DNM2: variants seen among roughly 807,000 people sequenced by gnomAD.
The protein encoded by DNM2 is dynamin-2.
Under a neutral mutation model 99.0 loss-of-function variants are expected in DNM2, and 15 were observed. The ratio of observed to expected loss-of-function variants is 0.15; its 90% CI spans 0.10 to 0.23. The LOEUF is 0.23. Among genes scored for constraint, DNM2 ranks in the 10% least tolerant of loss-of-function variants. DNM2 has a pLI of 1.00. For synonymous variants in DNM2, 525 were observed against 481.2 expected, an observed-to-expected ratio of 1.09 and a Z score of -1.19; for missense variants, 742 against 1,189.4, an observed-to-expected ratio of 0.62 and a Z score of 5.53.
At position 10,811,275 on chromosome 19, in the gene DNM2, T is replaced by C; in HGVS notation, c.1558-989T>C. On this transcript the variant is annotated intron_variant, in intron 14 of 20. Transcript: ENST00000389253. This position sits in a 1 kb window ranked among gnomAD's most constrained non-coding sequence, Gnocchi z 5.4. ...CGCTGGAGCTGTGGGCTGGTGGCCC[T>C]GGTTCAGAATGTCAGGCCCGGGGTG... 1 of 183,316 alleles carries C rather than the reference T, an allele frequency of 5.5e-6. No homozygotes were observed. Among genetic ancestry groups the C allele is most frequent in the Non-Finnish European group, 1.2e-5 (1 of 85,972 alleles). 11.4% of individuals were successfully genotyped at this position (183,316 alleles called of 1,614,324 possible).
intron 12 of DNM2, 76 bp from the exon 13 acceptor site, chr19:10,805,840 C>T (rs1454954404): frequency 1.1e-5 from 17 of 1,593,504 alleles, no homozygotes; most frequent in Admixed American, 3.3e-5. Context: ...AGGGAGAGAA[C>T]GGCCACATTC....
At position 10,775,115 on chromosome 19, in the gene DNM2, T is replaced by C. The variant is rs2071111044; in HGVS notation, c.386-588T>C. On this transcript the variant is annotated intron_variant, in intron 3 of 20. Coordinates refer to ENST00000389253, the MANE Select transcript of DNM2 (RefSeq NM_001005361.3). The surrounding 1 kb of genome is among the most constrained non-coding windows in gnomAD (Gnocchi z 4.3). ...TTTTGTTTTTTTGAGACAGTCTTGCTCTGTCGCCCAGGCTGGAGTGCAGTG... is the reference window on the plus strand; with the variant it reads ...TTTTGTTTTTTTGAGACAGTCTTGCCCTGTCGCCCAGGCTGGAGTGCAGTG... 1.3e-5 allele frequency among the ~76,000 whole-genome samples: 2 copies of C among 151,468 alleles called. No homozygotes were observed. Among genetic ancestry groups the C allele is most frequent in the Admixed American group, 6.6e-5 (1 of 15,190 alleles).
At chr19:10,766,681 A>G (rs1302355067) in intron 2 of DNM2, among the ~76,000 whole-genome samples, 1 of 152,032 alleles carries the variant, frequency 6.6e-6, no homozygotes, top group Non-Finnish European at 1.5e-5. Context: ...TAGGGGACAC[A>G]GGCTTGGGAG....
At chr19:10,766,810 G>T in intron 2 of DNM2, among the ~76,000 whole-genome samples, 1 of 152,150 alleles carries the variant, frequency 6.6e-6, no homozygotes, top group African/African-American at 2.4e-5. Flanking sequence ...ATTGCTGGAT[G>T]ACTGCCCAGA....
intron 6 of DNM2, among the ~76,000 whole-genome samples, chr19:10,785,759 C>T (rs1273544066): frequency 6.6e-6 from 1 of 152,160 alleles, no homozygotes; most frequent in Non-Finnish European, 1.5e-5. Context: ...GGACAGATGG[C>T]CAAACTCTGC....
chr19:10,759,264 C>T (rs1002403066), intron 1 of DNM2, among the ~76,000 whole-genome samples: 3 of 152,154 alleles, frequency 2.0e-5, no homozygotes, highest in Non-Finnish European at 4.4e-5. Flanking sequence ...TGGCAGTCAC[C>T]CCCGTTCCCA....
chr19:10,798,314 C>T (rs1290257178), intron 10 of DNM2, 172 bp from the exon 11 acceptor site: 3 of 646,026 alleles, frequency 4.6e-6, no homozygotes, highest in Non-Finnish European at 8.5e-6. Flanking sequence ...CCCCACTCTT[C>T]TGCTCTTAGC....
rs539325351 is a variant in DNM2, at chr19:10,756,695, C to T, written c.162-3043C>T. Among the ~76,000 whole-genome samples, 6 of 152,216 alleles carry T rather than the reference C, an allele frequency of 3.9e-5. No homozygotes were observed. In the South Asian group the frequency reaches 1.0e-3, roughly 26 times the overall value. The stretch of plus-strand genomic sequence containing the variant: ...ACAGGATGCAGAGGCCAGGGCTCGT[C>T]CCCCAGAGCCTTGCAAGTGTCTGTA... On this transcript the variant is annotated intron_variant, in intron 1 of 20. Coordinates refer to ENST00000389253, the MANE Select transcript of DNM2 (RefSeq NM_001005361.3).
At chr19:10,776,358 G>C (rs1051775881) in intron 4 of DNM2, among the ~76,000 whole-genome samples, 6 of 152,240 alleles carry the variant, frequency 3.9e-5, no homozygotes, top group Admixed American at 2.6e-4. Flanking sequence ...ATTTCCCTTC[G>C]AGTTGACACC....
In DNM2 at chr19:10,795,310, C is replaced by T. The variant is rs1355123588; in HGVS notation, c.1129-62C>T. The T allele has an allele frequency of 1.1e-5, 16 of 1,521,452 alleles. No homozygotes were observed. The Admixed American group carries it at 2.0e-4, about 19-fold the overall frequency. 94.2% of individuals were successfully genotyped at this position (1,521,452 alleles called of 1,614,324 possible). On this transcript the variant is annotated intron_variant, in intron 8 of 20. Transcript: ENST00000389253. This position sits in a 1 kb window ranked among gnomAD's most constrained non-coding sequence, Gnocchi z 4.2. ...CGTGGGAGAGAACGTTCCCCAGATG[C>T]ACGCCTGCCACGGGGGCGCCCCGGG... is the stretch of plus-strand genomic sequence containing the variant.
intron 5 of DNM2, among the ~76,000 whole-genome samples, chr19:10,777,552 T>A (rs1383951115): frequency 1.3e-5 from 2 of 152,136 alleles, no homozygotes; most frequent in Non-Finnish European, 1.5e-5. Context: ...TTAATTAATT[T>A]TTTTATTACT....
At chr19:10,768,165 C>A (rs778320842) in intron 2 of DNM2, among the ~76,000 whole-genome samples, 3 of 151,642 alleles carry the variant, frequency 2.0e-5, no homozygotes, top group African/African-American at 2.4e-5. Flanking sequence ...AAAGAACAGC[C>A]CCTGCTGGCC....
At chr19:10,823,690 G>C in intron 16 of DNM2, 98 bp from the exon 17 acceptor site, 1 of 1,259,146 alleles carries the variant, frequency 7.9e-7, no homozygotes, top group African/African-American at 1.5e-5. Flanking sequence ...TTGGGTTCCT[G>C]ATCAGTCAGA....
chr19:10,807,248 T>A (rs956667041), intron 13 of DNM2, among the ~76,000 whole-genome samples: 6 of 151,954 alleles, frequency 3.9e-5, no homozygotes, highest in African/African-American at 9.7e-5. Context: ...AATTTTTTTT[T>A]ATTTTTTTCT....
At chr19:10,759,064 C>T (rs1355041740) in intron 1 of DNM2, among the ~76,000 whole-genome samples, 2 of 152,178 alleles carry the variant, frequency 1.3e-5, no homozygotes, top group Non-Finnish European at 2.9e-5. Context: ...CTCTCAGCCT[C>T]TCTAGTAGCT....
At chr19:10,780,653 C>T (rs1032030761) in intron 5 of DNM2, among the ~76,000 whole-genome samples, 6 of 152,112 alleles carry the variant, frequency 3.9e-5, no homozygotes, top group Admixed American at 3.3e-4. Flanking sequence ...CCAGGCTAGG[C>T]GTGGTGGCTC....
In DNM2 at chr19:10,823,830, C is replaced by G. The variant is rs2073059290; in HGVS notation, c.1824C>G (p.Asp608Glu). 6.2e-7 allele frequency: 1 copy of G among 1,613,726 alleles called. No homozygotes were observed. The highest frequency in any genetic ancestry group is 8.5e-7 in the Non-Finnish European group (1 of 1,180,016). ...TGCGGCAGATCGAGCTGGCCTGTGACTCCCAGGAAGACGTGGACAGCTGGA... is the reference window on the plus strand; with the variant it reads ...TGCGGCAGATCGAGCTGGCCTGTGAGTCCCAGGAAGACGTGGACAGCTGGA... The part of the protein sequence containing the change: ...KDLRQIELAC[D>E]SQEDVDSWKA... Residue 608 changes from aspartate (D) to glutamate (E), a missense_variant, in exon 17 of 21, where the codon GAC (aspartate) becomes GAG (glutamate). Asp to Glu is a conservative substitution (Grantham distance 45, BLOSUM62 2). This residue lies in a region of DNM2 where 240 missense variants were observed against 431.3 expected (regional missense o/e 0.56). Transcript: ENST00000389253.
intron 11 of DNM2, among the ~76,000 whole-genome samples, chr19:10,800,503 A>C (rs902811876): frequency 6.6e-6 from 1 of 152,242 alleles, no homozygotes; most frequent in African/African-American, 2.4e-5. Context: ...CCATGCTGCC[A>C]GGCCGGATCT....
Position 10,831,305 on chromosome 19 carries a change from A to T in DNM2, c.*258A>T. 2 of 1,264,270 alleles carry T rather than the reference A, an allele frequency of 1.6e-6. No homozygotes were observed. Among genetic ancestry groups the T allele is most frequent in the Non-Finnish European group, 2.0e-6 (2 of 1,004,582 alleles). The allele number at this position is 1,264,270 out of a possible 1,614,324, so 78.3% of individuals were successfully genotyped here. ...GGGGGATGGAGTCTCAGGGTGGCAG[A>T]GGGGGGACCAGAACCCTTGACACCA... On this transcript the variant is annotated 3_prime_UTR_variant, in exon 21 of 21. Transcript: ENST00000389253. The surrounding 1 kb of genome is among the most constrained non-coding windows in gnomAD (Gnocchi z 4.3).
Sources: gnomAD v4.1 joint callset for allele counts (sites outside exome capture counted in the v4.1 genomes callset) on GRCh38, gnomAD v4.1.1 for gene constraint, gnomAD v4.1.1 regional missense constraint, Gnocchi (gnomAD v3.1) non-coding constraint, MANE v1.5 for transcripts, NCBI Gene and HGNC (gene_info 2026-07-23, HGNC 2026-07-21) for gene names.